RBM6: variants seen among roughly 807,000 people sequenced by gnomAD.
The protein encoded by RBM6 is RNA-binding protein 6.
Under a neutral mutation model 140.4 loss-of-function variants are expected in RBM6, and 23 were observed. The ratio of observed to expected loss-of-function variants is 0.16; its 90% confidence interval spans 0.12 to 0.23. The LOEUF (loss-of-function observed/expected upper bound fraction) is 0.23, where lower values mean the gene tolerates loss of function less well. Ranked by LOEUF, RBM6 falls within the 10% of genes least tolerant of loss-of-function variation. The pLI is 1.00. For synonymous variants in RBM6, 439 were observed against 475.6 expected, an observed-to-expected ratio of 0.92 and a Z score of 1.00; for missense variants, 1,139 against 1,386.7, an observed-to-expected ratio of 0.82 and a Z score of 2.84.
intron 5 of RBM6, among the ~76,000 whole-genome samples, chr3:49,984,318 T>C (rs2085446559): frequency 6.6e-6 from 1 of 151,102 alleles, no homozygotes; most frequent in Non-Finnish European, 1.5e-5. Context: ...AATAAAATGG[T>C]GAATGTAAAA....
chr3:49,959,248 G>T (rs1345411514), intron 1 of RBM6, among the ~76,000 whole-genome samples: 1 of 148,886 alleles, frequency 6.7e-6, no homozygotes, highest in African/African-American at 2.5e-5. Context: ...GAGTGCAGTG[G>T]CGTGATCTCA....
In RBM6 at chr3:49,963,640, G is replaced by A. The variant is rs142572632; in HGVS notation, c.44+955G>A. Among the ~76,000 whole-genome samples the A allele has an allele frequency of 3.3e-3, 500 of 152,230 alleles. 4 individuals carry two copies. Among genetic ancestry groups the A allele is most frequent in the African/African-American group, 0.012 (490 of 41,544 alleles). On this transcript the variant is annotated intron_variant, in intron 2 of 20. Transcript: ENST00000266022. ...GGGTTACTTGGTACCAAGAAGAGTG[G>A]AGAAAGTGGTAGCATTTAGTTGTAA...
chr3:50,060,924 A>T, intron 11 of RBM6, 32 bp from the exon 12 acceptor site: 1 of 1,529,650 alleles, frequency 6.5e-7, no homozygotes. Context: ...ACTTGGTAGC[A>T]GCCTTAAGAA....
Position 50,048,142 on chromosome 3 carries a change from TA to T in RBM6, c.1558-99del, listed in dbSNP as rs1257829223. On this transcript the variant is annotated intron_variant, in intron 6 of 20. Coordinates refer to ENST00000266022, the MANE Select transcript of RBM6 (RefSeq NM_005777.3). ...ACCAGTGAATTAAGCTCACTCTTTA[TA>T]AAATGTTTCAGCTTGGGGATTGGAA... is the stretch of plus-strand genomic sequence containing the variant. 5 of 1,510,588 alleles carry T rather than the reference TA, an allele frequency of 3.3e-6. No homozygotes were observed. In the African/African-American group the frequency reaches 7.0e-5, roughly 21 times the overall value. The allele number at this position is 1,510,588 out of a possible 1,614,324, so 93.6% of individuals were successfully genotyped here.
chr3:50,062,559 C>G (rs1248169678), intron 15 of RBM6, among the ~76,000 whole-genome samples: 1 of 151,884 alleles, frequency 6.6e-6, no homozygotes, highest in Non-Finnish European at 1.5e-5. Flanking sequence ...AGGCAATTCC[C>G]TCACCTCTTA....
At chr3:49,943,778 C>T (rs1464520215) in intron 1 of RBM6, among the ~76,000 whole-genome samples, 5 of 152,136 alleles carry the variant, frequency 3.3e-5, no homozygotes, top group Non-Finnish European at 7.3e-5. Context: ...ATATGTTTAG[C>T]TTTTTGAGGA....
chr3:49,956,328 CTTTTTTTTTTTT>C (rs34467093), intron 1 of RBM6, among the ~76,000 whole-genome samples: 5 of 72,006 alleles, frequency 6.9e-5, no homozygotes, highest in Non-Finnish European at 1.3e-4. Context: ...CCCTCCCCCG[CTTTTTTTTTTTT>C]TTTTTTTTTT....
chr3:50,071,684 A>G (rs960889918), intron 19 of RBM6, among the ~76,000 whole-genome samples: 7 of 152,200 alleles, frequency 4.6e-5, no homozygotes, highest in African/African-American at 1.4e-4. Context: ...GAGGTGTCAG[A>G]TCTGCCAGTC....
chr3:50,015,508 G>T (rs1272665450), intron 6 of RBM6, among the ~76,000 whole-genome samples: 1 of 150,008 alleles, frequency 6.7e-6, no homozygotes, highest in East Asian at 2.0e-4. Flanking sequence ...TCGGATCACT[G>T]CAAGCTCCGC....
At chr3:50,011,700 G>A (rs1008672947) in intron 6 of RBM6, among the ~76,000 whole-genome samples, 3 of 151,964 alleles carry the variant, frequency 2.0e-5, no homozygotes, top group African/African-American at 4.8e-5. Context: ...CTTTTTTTAA[G>A]GGGGAAAACA....
chr3:50,060,591 CAA>C (rs10603676), intron 11 of RBM6, among the ~76,000 whole-genome samples: 89,618 of 146,098 alleles, frequency 0.61, 27,582 homozygotes, highest in East Asian at 0.88. Context: ...ACTAAAAATA[CAA>C]AAAAAAAAAA....
chr3:50,032,137 T>C (rs1008760545), intron 6 of RBM6, among the ~76,000 whole-genome samples: 1 of 152,100 alleles, frequency 6.6e-6, no homozygotes, highest in Admixed American at 6.6e-5. Context: ...AAAAGCAGAT[T>C]TTCTCCCAAG....
At chr3:49,963,020 A>G in intron 2 of RBM6, 1 of 171,914 alleles carries the variant, frequency 5.8e-6, no homozygotes, top group Non-Finnish European at 1.2e-5. Context: ...GAATGGTGTG[A>G]ACCTGGGAGG....
chr3:50,014,362 A>G (rs1187851851), intron 6 of RBM6, among the ~76,000 whole-genome samples: 5 of 152,224 alleles, frequency 3.3e-5, no homozygotes, highest in African/African-American at 1.2e-4. Context: ...AAACATTCTT[A>G]AAATATACTA....
chr3:49,961,104 G>A (rs1036697400), intron 1 of RBM6, among the ~76,000 whole-genome samples: 1 of 151,886 alleles, frequency 6.6e-6, no homozygotes, highest in Non-Finnish European at 1.5e-5. Flanking sequence ...TTAAGATGGA[G>A]TCTCGCTCTG....
Position 49,967,819 on chromosome 3 carries a change from C to A in RBM6, c.394C>A (p.Pro132Thr). 6.2e-7 allele frequency: 1 copy of A among 1,614,014 alleles called. No homozygotes were observed. The highest frequency in any genetic ancestry group is 8.5e-7 in the Non-Finnish European group (1 of 1,180,008). The change falls in exon 3 of 21, where the codon CCT becomes ACT. Residue 132 changes from proline (P) to threonine (T), a missense_variant. Pro to Thr is a conservative substitution (Grantham distance 38, BLOSUM62 -1). This residue lies in a region of RBM6 where 566 missense variants were observed against 612.7 expected (regional missense o/e 0.92). Transcript: ENST00000266022. The surrounding 1 kb of genome is among the most constrained non-coding windows in gnomAD (Gnocchi z 4.0). ...SGDFRDREGP[P>T]MDYRGGDGTS... ...GGATTTTCGGGATAGAGAAGGACCA[C>A]CTATGGACTATAGGGGTGGAGATGG...
intron 5 of RBM6, among the ~76,000 whole-genome samples, chr3:49,998,817 A>G (rs1160830185): frequency 6.6e-6 from 1 of 152,158 alleles, no homozygotes; most frequent in Non-Finnish European, 1.5e-5. Context: ...TTCCTTTTAT[A>G]AAGATTTTAG....
rs1170241089 is a variant in RBM6 at position 50,017,557 on chromosome 3, C to CA, written c.1557+18058dup. On this transcript the variant is annotated intron_variant, in intron 6 of 20. Transcript: ENST00000266022. ...TGGGCGACAGAGCAAGACTCTGTCT[C>CA]AAAAAAAAAAAAAAGAAAAAGAAAA... is the stretch of plus-strand genomic sequence containing the variant. Among the ~76,000 whole-genome samples the CA allele has an allele frequency of 5.6e-3, 390 of 69,860 alleles. 3 individuals carry two copies. The highest frequency in any genetic ancestry group is 0.023 in the Middle Eastern group (3 of 128). 45.8% of individuals were successfully genotyped at this position (69,860 alleles called of 152,430 possible).
At chr3:50,051,362 C>T (rs1407833706) in intron 7 of RBM6, among the ~76,000 whole-genome samples, 2 of 152,088 alleles carry the variant, frequency 1.3e-5, no homozygotes, top group Non-Finnish European at 2.9e-5. Flanking sequence ...TTTTTTTTAG[C>T]TGGGTGTGGT....
Sources: allele counts gnomAD v4.1 joint callset (sites outside exome capture counted in the v4.1 genomes callset), GRCh38; gene constraint gnomAD v4.1.1; regional missense constraint gnomAD v4.1.1; non-coding constraint Gnocchi (gnomAD v3.1); transcripts MANE v1.5; gene names NCBI Gene and HGNC (gene_info 2026-07-23, HGNC 2026-07-21).